OPN5: variants seen among roughly 807,000 people sequenced by gnomAD.
The protein encoded by OPN5 is opsin-5.
A neutral mutation model predicts 41.7 loss-of-function variants in OPN5; 18 were observed. The ratio of observed to expected loss-of-function variants is 0.43; its 90% confidence interval spans 0.30 to 0.64. OPN5 has a LOEUF of 0.64. Ranked by LOEUF, OPN5 falls within the 30% of genes least tolerant of loss-of-function variation. OPN5 has a pLI of 0.13. For synonymous variants in OPN5, 178 were observed against 164.3 expected, an observed-to-expected ratio of 1.08 and a Z score of -0.64; for missense variants, 318 against 434.5, an observed-to-expected ratio of 0.73 and a Z score of 2.38.
chr6:47,804,415 G>A (rs1040049883), intron 4 of OPN5, among the ~76,000 whole-genome samples: 2 of 152,120 alleles, frequency 1.3e-5, no homozygotes, highest in South Asian at 2.1e-4. Context: ...TAAAAATTAA[G>A]ACACACTTAG....
At chr6:47,821,361 C>T (rs1423142584) in intron 6 of OPN5, among the ~76,000 whole-genome samples, 2 of 152,132 alleles carry the variant, frequency 1.3e-5, no homozygotes, top group Non-Finnish European at 2.9e-5. Flanking sequence ...GGGGATGGAA[C>T]CCAAGGACAT....
downstream of OPN5, chr6:47,825,197 G>C (rs1762756618): frequency 6.6e-6 from 1 of 152,118 alleles, no homozygotes; most frequent in Non-Finnish European, 1.5e-5. Flanking sequence ...ACTTTCTAAA[G>C]ATTAAATAAA....
intron 3 of OPN5, among the ~76,000 whole-genome samples, chr6:47,793,090 T>C (rs1188480047): frequency 1.3e-5 from 2 of 151,794 alleles, no homozygotes; most frequent in Non-Finnish European, 2.9e-5. Context: ...TATACAACTA[T>C]ACATATTCTG....
intron 6 of OPN5, among the ~76,000 whole-genome samples, chr6:47,814,683 G>T (rs908963357): frequency 2.6e-5 from 4 of 152,082 alleles, no homozygotes; most frequent in Non-Finnish European, 5.9e-5. Context: ...TCCTGAGTGG[G>T]TTTTGCTTCC....
At chr6:47,820,197 C>T (rs1467368929) in intron 6 of OPN5, among the ~76,000 whole-genome samples, 1 of 151,902 alleles carries the variant, frequency 6.6e-6, no homozygotes, top group African/African-American at 2.4e-5. Context: ...AAAATAGGAA[C>T]TTTCTGGCCC....
At chr6:47,797,394 A>G (rs895567259) in intron 4 of OPN5, among the ~76,000 whole-genome samples, 1 of 152,230 alleles carries the variant, frequency 6.6e-6, no homozygotes, top group African/African-American at 2.4e-5. Flanking sequence ...CATAAAATGA[A>G]GCATTATGAG....
chr6:47,821,948 C>T (rs1762637679), intron 6 of OPN5, among the ~76,000 whole-genome samples: 1 of 152,142 alleles, frequency 6.6e-6, no homozygotes, highest in South Asian at 2.1e-4. Flanking sequence ...CCCCTCTCTA[C>T]TAAAAATATA....
chr6:47,806,938 A>T (rs1773990961), intron 4 of OPN5, among the ~76,000 whole-genome samples: 2 of 152,128 alleles, frequency 1.3e-5, no homozygotes. Context: ...TGGGTGGATC[A>T]CCTAAGGTCG....
intron 1 of OPN5, among the ~76,000 whole-genome samples, chr6:47,784,407 G>A (rs889061526): frequency 4.6e-5 from 7 of 151,854 alleles, no homozygotes; most frequent in South Asian, 2.1e-4. Context: ...AGCAATTCTT[G>A]TGCCTCAACC....
intron 5 of OPN5, among the ~76,000 whole-genome samples, chr6:47,809,504 A>C (rs1056889645): frequency 1.3e-5 from 2 of 152,224 alleles, no homozygotes; most frequent in African/African-American, 4.8e-5. Flanking sequence ...AGGGGAAGAC[A>C]CACACAATTT....
intron 1 of OPN5, among the ~76,000 whole-genome samples, chr6:47,784,209 G>A (rs1773145023): frequency 6.6e-6 from 1 of 152,162 alleles, no homozygotes; most frequent in South Asian, 2.1e-4. Flanking sequence ...TCGACTGGAG[G>A]GGTTTGGACT....
chr6:47,820,888 C>T (rs570511990), intron 6 of OPN5, among the ~76,000 whole-genome samples: 17 of 152,152 alleles, frequency 1.1e-4, no homozygotes, highest in East Asian at 1.9e-4. Context: ...TACTGTTGAC[C>T]GGAAGCCTTA....
chr6:47,795,761 T>TTCTCTCTC (rs112984403), intron 4 of OPN5, among the ~76,000 whole-genome samples, 198 bp downstream of exon 4: 10 of 136,880 alleles, frequency 7.3e-5, no homozygotes, highest in African/African-American at 2.4e-4. Flanking sequence ...CACTTCTCTC[T>TTCTCTCTC]TCTCTCTCTC....
At chr6:47,814,440 G>A (rs1038917553) in intron 6 of OPN5, among the ~76,000 whole-genome samples, 11 of 152,208 alleles carry the variant, frequency 7.2e-5, no homozygotes, top group Admixed American at 5.9e-4. Flanking sequence ...AGGAAAAAAA[G>A]AGTTTAAATT....
intron 4 of OPN5, among the ~76,000 whole-genome samples, chr6:47,806,179 A>AC (rs528391193): frequency 1.3e-5 from 2 of 151,516 alleles, no homozygotes; most frequent in South Asian, 2.1e-4. Context: ...CAAACAAACA[A>AC]CCCCCCCAAA....
At chr6:47,819,796 G>T (rs543624924) in intron 6 of OPN5, among the ~76,000 whole-genome samples, 12 of 152,224 alleles carry the variant, frequency 7.9e-5, no homozygotes, top group South Asian at 6.2e-4. Flanking sequence ...ATTCTGTATT[G>T]ATTGCAATTA....
chr6:47,799,037 G>A (rs1773670641), intron 4 of OPN5, among the ~76,000 whole-genome samples: 1 of 152,084 alleles, frequency 6.6e-6, no homozygotes. Flanking sequence ...ACTGGGGCCA[G>A]TATTCTGCCG....
chr6:47,806,156 G>A (rs1376106221), intron 4 of OPN5, among the ~76,000 whole-genome samples: 5 of 151,848 alleles, frequency 3.3e-5, no homozygotes, highest in Admixed American at 2.0e-4. Context: ...GGAAACAAAG[G>A]TGAACAAACG....
Position 47,799,577 on chromosome 6 carries a change from G to T in OPN5, c.756+4014G>T, listed in dbSNP as rs940118536. On this transcript the variant is annotated intron_variant, in intron 4 of 6. Transcript: ENST00000371211. ...TTGTTCCAACTATAAGTCATCTTTAGGCTCATCAGCACTGTAAGCTACTTC... is the reference window on the plus strand; with the variant it reads ...TTGTTCCAACTATAAGTCATCTTTATGCTCATCAGCACTGTAAGCTACTTC... Among the ~76,000 whole-genome samples, 3 of 152,156 alleles carry T rather than the reference G, an allele frequency of 2.0e-5. No individual in the cohort carries two copies. The South Asian group carries it at 6.2e-4, about 32-fold the overall frequency.
Sources: allele counts gnomAD v4.1 joint callset (sites outside exome capture counted in the v4.1 genomes callset), GRCh38; gene constraint gnomAD v4.1.1; transcripts MANE v1.5; gene names NCBI Gene and HGNC (gene_info 2026-07-23, HGNC 2026-07-21).